Variants in INTS12 observed in about 807,000 individuals in gnomAD.
The protein encoded by INTS12 is PHD finger protein 22.
INTS12 carries 13 observed loss-of-function variants against 41.6 expected under a neutral mutation model. The ratio of observed to expected loss-of-function variants is 0.31; its 90% CI spans 0.20 to 0.50. The LOEUF is 0.50. INTS12 is among the 20% of genes least tolerant of loss of function. The pLI, the probability that INTS12 is intolerant of heterozygous loss-of-function variation, is 0.98. For synonymous variants in INTS12, 199 were observed against 191.4 expected (o/e 1.04, Z -0.33); for missense variants, 432 against 541.6 (o/e 0.80, Z 2.01).
intron 3 of INTS12, among the ~76,000 whole-genome samples, chr4:105,698,753 G>A (rs1462455179): frequency 6.6e-6 from 1 of 152,210 alleles, no homozygotes; most frequent in Non-Finnish European, 1.5e-5. Flanking sequence ...AGGCTTCGGA[G>A]TACTAGACCT....
At position 105,682,861 on chromosome 4, in the gene INTS12, T is replaced by G; in HGVS notation, c.1261A>C (p.Thr421Pro). The G allele has an allele frequency of 6.2e-7, 1 of 1,614,114 alleles. No individual in the cohort carries two copies. Among genetic ancestry groups the G allele is most frequent in the South Asian group, 1.1e-5 (1 of 91,084 alleles). ...GPSGSTTSKT[T>P]SESSSSPSAS... ...GAGGGAGAGCTGCTGGATTCTGAAG[T>G]AGTTTTGCTGGTAGTACTTCCACTA... The change falls in exon 8 of 8, where the codon ACT becomes CCT. Residue 421 changes from threonine (T) to proline (P), a missense_variant. By Grantham distance (38) the Thr-to-Pro change is conservative. Around this residue, in one of 3 missense-constraint regions of INTS12, gnomAD observed 258 missense variants for 309.9 expected, o/e 0.83. Transcript: ENST00000340139.
At chr4:105,687,930 G>A (rs1731552643) in intron 6 of INTS12, among the ~76,000 whole-genome samples, 1 of 151,962 alleles carries the variant, frequency 6.6e-6, no homozygotes, top group Non-Finnish European at 1.5e-5. Context: ...TCCAGCCTGG[G>A]CAACAAGAGC....
At chr4:105,690,779 T>A (rs1731658488) in intron 6 of INTS12, among the ~76,000 whole-genome samples, 1 of 152,176 alleles carries the variant, frequency 6.6e-6, no homozygotes, top group African/African-American at 2.4e-5. Flanking sequence ...AACAGTTGAG[T>A]ACATACTAAA....
intron 3 of INTS12, among the ~76,000 whole-genome samples, chr4:105,697,169 T>A (rs1731895580): frequency 6.6e-6 from 1 of 152,214 alleles, no homozygotes; most frequent in Admixed American, 6.5e-5. Context: ...CTGTTTAAAT[T>A]CAATTCCTTA....
Position 105,708,410 on chromosome 4 carries a change from A to G in INTS12, c.-172+228T>C, listed in dbSNP as rs28403197. On this transcript the variant is annotated intron_variant, in intron 1 of 7. Coordinates refer to ENST00000340139, the MANE Select transcript of INTS12 (RefSeq NM_020395.4). ...CCAAGTCCCTTGTCCCTAGACCTAG[A>G]AATATGCTCGGTCCGCATGTCCCGG... The G allele has an allele frequency of 0.022, 21,438 of 985,416 alleles. 2,426 individuals are homozygous for G. In the African/African-American group the frequency reaches 0.29, roughly 13 times the overall value. 61.0% of individuals were successfully genotyped at this position (985,416 alleles called of 1,614,324 possible).
At chr4:105,708,438 C>T (rs1282268078) in intron 1 of INTS12, 200 bp downstream of exon 1, 2 of 985,334 alleles carry the variant, frequency 2.0e-6, no homozygotes, top group Non-Finnish European at 2.4e-6. Context: ...TGTCCCGGCC[C>T]GCAACTCCCT....
At chr4:105,691,889 C>T in intron 6 of INTS12, 87 bp downstream of exon 6, 1 of 960,222 alleles carries the variant, frequency 1.0e-6, no homozygotes, top group Non-Finnish European at 1.5e-6. Flanking sequence ...TTTTCAATAT[C>T]TTAAATATTC....
rs140447872 is a variant in INTS12 at position 105,698,852 on chromosome 4, G to A, written c.156+998C>T. On this transcript the variant is annotated intron_variant, in intron 3 of 7. Transcript: ENST00000340139. ...ATCCTCTCTTGAGCTTCAGATTCTG[G>A]TTAGACTTGAGCTAGTCATGTTCTA... Among the ~76,000 whole-genome samples the A allele has an allele frequency of 4.8e-3, 729 of 152,318 alleles. 3 individuals are homozygous for A. Among genetic ancestry groups the A allele is most frequent in the African/African-American group, 0.017 (702 of 41,582 alleles).
rs1354321062 is a variant in INTS12 at position 105,703,743 on chromosome 4, C to G, written c.-105G>C. The G allele has an allele frequency of 2.6e-5, 4 of 152,226 alleles. No individual in the cohort carries two copies. Among genetic ancestry groups the G allele is most frequent in the African/African-American group, 9.7e-5 (4 of 41,444 alleles). 9.4% of individuals were successfully genotyped at this position (152,226 alleles called of 1,614,324 possible). ...GGTCAACTCACTTCCCCACTTTCTG[C>G]AAAGATCAGTTATACTTCCTCCATT... On this transcript the variant is annotated 5_prime_UTR_variant, in exon 2 of 8. Coordinates refer to ENST00000340139, the MANE Select transcript of INTS12 (RefSeq NM_020395.4).
chr4:105,700,744 C>G (rs1330534339), intron 2 of INTS12, among the ~76,000 whole-genome samples: 1 of 151,214 alleles, frequency 6.6e-6, no homozygotes, highest in Non-Finnish European at 1.5e-5. Flanking sequence ...CACACACACA[C>G]AGAGCCTATG....
chr4:105,694,894 T>G (rs1252514890), intron 4 of INTS12, among the ~76,000 whole-genome samples: 1 of 152,114 alleles, frequency 6.6e-6, no homozygotes, highest in Non-Finnish European at 1.5e-5. Context: ...TTTAGTCATT[T>G]ACATCTATAC....
At chr4:105,693,585 T>C in intron 4 of INTS12, 99 bp from the exon 5 acceptor site, 1 of 912,394 alleles carries the variant, frequency 1.1e-6, no homozygotes, top group Non-Finnish European at 1.7e-6. Context: ...AATGAACAAG[T>C]CCATTTTACA....
intron 2 of INTS12, among the ~76,000 whole-genome samples, chr4:105,702,093 G>A (rs1047223449): frequency 4.7e-5 from 7 of 147,708 alleles, no homozygotes; most frequent in Non-Finnish European, 9.0e-5. Flanking sequence ...GTGGAATACA[G>A]AGAAAAAAAT....
chr4:105,704,152 T>C (rs1436984611), intron 1 of INTS12, among the ~76,000 whole-genome samples: 1 of 152,224 alleles, frequency 6.6e-6, no homozygotes, highest in Non-Finnish European at 1.5e-5. Flanking sequence ...TCATTCCTTC[T>C]ATTTACACAG....
intron 7 of INTS12, 103 bp from the exon 8 acceptor site, chr4:105,683,420 T>C: frequency 1.2e-6 from 1 of 842,366 alleles, no homozygotes. Flanking sequence ...ACCACCAAAT[T>C]AGGTTCTTAT....
intron 4 of INTS12, 72 bp downstream of exon 4, chr4:105,695,443 TA>T: frequency 1.7e-6 from 2 of 1,201,854 alleles, no homozygotes; most frequent in Non-Finnish European, 2.4e-6. Context: ...GAAATAGGCA[TA>T]AAACATTGTT....
chr4:105,683,050 C>T lies in INTS12; in HGVS notation c.1072G>A (p.Val358Ile). The T allele has an allele frequency of 6.2e-7, 1 of 1,614,120 alleles. No homozygotes were observed. Among genetic ancestry groups the T allele is most frequent in the Non-Finnish European group, 8.5e-7 (1 of 1,179,980 alleles). The stretch of plus-strand genomic sequence containing the variant: ...AGAGGTGGAGGTGGTTTTAAAGGTA[C>T]AGTGGGCGTAGTGCTGTTATTGGAA... ...IGSNNSTTPT[V>I]PLKPPPPLTL... Residue 358 changes from valine (V) to isoleucine (I), a missense_variant, in exon 8 of 8, where the codon GTA becomes ATA. Val to Ile is a conservative substitution (Grantham distance 29). This residue lies in a region of INTS12 where 258 missense variants were observed against 309.9 expected (regional missense o/e 0.83). Coordinates refer to ENST00000340139, the MANE Select transcript of INTS12 (RefSeq NM_020395.4).
chr4:105,694,425 G>T (rs546582561), intron 4 of INTS12, among the ~76,000 whole-genome samples: 3 of 151,912 alleles, frequency 2.0e-5, no homozygotes, highest in Admixed American at 6.6e-5. Context: ...TGCTGGGTTA[G>T]AGTGATTCTC....
rs375258685 is a variant in INTS12, at chr4:105,686,646, C to T, written c.804+46G>A. 41 of 1,465,094 alleles carry T rather than the reference C, an allele frequency of 2.8e-5. 1 individual carries two copies. The South Asian group carries it at 5.1e-4, about 18-fold the overall frequency. 90.8% of individuals were successfully genotyped at this position (1,465,094 alleles called of 1,614,324 possible). ...TATCAAGCAACTATTTTTTAGTCAA[C>T]TAAACTTTAAGATATAATCTTAGAT... On this transcript the variant is annotated intron_variant, in intron 7 of 7. Coordinates refer to ENST00000340139, the MANE Select transcript of INTS12 (RefSeq NM_020395.4).
Sources: gnomAD v4.1 joint callset for allele counts (sites outside exome capture counted in the v4.1 genomes callset) on GRCh38, gnomAD v4.1.1 for gene constraint, gnomAD v4.1.1 regional missense constraint, MANE v1.5 for transcripts, NCBI Gene and HGNC (gene_info 2026-07-23, HGNC 2026-07-21) for gene names.